UTRN: variants seen among roughly 807,000 people sequenced by gnomAD.
The protein encoded by UTRN is dystrophin-related protein 1.
In UTRN, 283 loss-of-function variants were observed where a neutral mutation model predicts 463.9. That is an observed-to-expected ratio of 0.61 (90% confidence interval 0.55 to 0.67). The LOEUF is 0.67. Ranked by LOEUF, UTRN falls within the 30% of genes least tolerant of loss-of-function variation. The pLI, the probability that UTRN is intolerant of heterozygous loss-of-function variation, is 0.00. For missense variants in UTRN, 3,922 were observed against 4,084.3 expected, an observed-to-expected ratio of 0.96 and a Z score of 1.08; for synonymous variants, 1,442 against 1,431.5, an observed-to-expected ratio of 1.01 and a Z score of -0.17.
intron 53 of UTRN, among the ~76,000 whole-genome samples, chr6:144,721,644 A>G (rs187163651): frequency 3.3e-5 from 5 of 152,270 alleles, no homozygotes; most frequent in East Asian, 3.9e-4. Flanking sequence ...CATATCTACT[A>G]CAGGCTGAGC....
chr6:144,555,511 C>G (rs1326677309), intron 49 of UTRN, among the ~76,000 whole-genome samples: 4 of 152,204 alleles, frequency 2.6e-5, no homozygotes, highest in Admixed American at 2.6e-4. Flanking sequence ...CAGCTCATTG[C>G]AACAGCCACC....
At chr6:144,297,707 G>A (rs1341332438) in intron 2 of UTRN, among the ~76,000 whole-genome samples, 2 of 152,154 alleles carry the variant, frequency 1.3e-5, no homozygotes, top group Non-Finnish European at 2.9e-5. Context: ...GCAGAGAAGG[G>A]CAGCTATTCT....
intron 6 of UTRN, among the ~76,000 whole-genome samples, chr6:144,425,063 A>G (rs1785175835): frequency 6.6e-6 from 1 of 152,212 alleles, no homozygotes; most frequent in Non-Finnish European, 1.5e-5. Flanking sequence ...AGAAAATCTG[A>G]GATCATGCAT....
chr6:144,816,606 T>G (rs1779098692), intron 65 of UTRN, among the ~76,000 whole-genome samples: 1 of 151,876 alleles, frequency 6.6e-6, no homozygotes, highest in South Asian at 2.1e-4. Flanking sequence ...TATTTTATTT[T>G]TATTCCTTCA....
chr6:144,845,422 A>G (rs960178000), intron 73 of UTRN, among the ~76,000 whole-genome samples: 18 of 152,208 alleles, frequency 1.2e-4, no homozygotes, highest in African/African-American at 4.3e-4. Flanking sequence ...TATTTTTACT[A>G]TGAATTGCCT....
rs146989999 is a variant in UTRN, at chr6:144,393,667, G to A, written c.80-9456G>A. Among the ~76,000 whole-genome samples, 408 of 152,180 alleles carry A rather than the reference G, an allele frequency of 2.7e-3. 4 individuals carry two copies. Among genetic ancestry groups the A allele is most frequent in the African/African-American group, 9.1e-3 (380 of 41,532 alleles). On this transcript the variant is annotated intron_variant, in intron 2 of 74. Coordinates refer to ENST00000367545, the MANE Select transcript of UTRN (RefSeq NM_007124.3). ...GTGTTGAAAAAGAATATTCAGTGAC[G>A]CAGGATGGAGGGAGGTTTGAATGTT... is the stretch of plus-strand genomic sequence containing the variant.
chr6:144,730,322 G>A (rs747143033), intron 53 of UTRN, 35 bp from the exon 54 acceptor site: 1 of 1,546,030 alleles, frequency 6.5e-7, no homozygotes, highest in Non-Finnish European at 8.7e-7. Context: ...GAACACGTGA[G>A]GTTACAAACT....
chr6:144,692,655 GT>G (rs145276181), intron 52 of UTRN, among the ~76,000 whole-genome samples: 2,267 of 151,214 alleles, frequency 0.015, 48 homozygotes, highest in African/African-American at 0.051. Flanking sequence ...GATGTTGAAG[GT>G]TTTTTTTTAA....
chr6:144,483,979 C>A (rs1792158104), intron 27 of UTRN, among the ~76,000 whole-genome samples: 1 of 152,178 alleles, frequency 6.6e-6, no homozygotes, highest in South Asian at 2.1e-4. Flanking sequence ...AGTGGACCGG[C>A]AGGTGCCTTC....
intron 65 of UTRN, among the ~76,000 whole-genome samples, chr6:144,816,763 A>T (rs796764994): frequency 6.5e-4 from 79 of 121,298 alleles, no homozygotes; most frequent in African/African-American, 2.2e-3. Context: ...TTTTTTTTAT[A>T]GAGATGGGGT....
chr6:144,598,641 T>TG (rs949947988), intron 51 of UTRN, among the ~76,000 whole-genome samples: 2 of 152,200 alleles, frequency 1.3e-5, no homozygotes, highest in Non-Finnish European at 2.9e-5. Context: ...AAATATATTT[T>TG]GGGGTAAAAT....
intron 54 of UTRN, among the ~76,000 whole-genome samples, chr6:144,739,855 T>A (rs1443209933): frequency 6.6e-6 from 1 of 152,164 alleles, no homozygotes; most frequent in African/African-American, 2.4e-5. Context: ...CAGGGACTGC[T>A]AGGATTGGCA....
rs1781253233 is a variant in UTRN at position 144,838,069 on chromosome 6, T to C, written c.10066-1104T>C. ...CTCTTGCAATCTCTTGTTTAGAATA[T>C]GAAGTGTTAGTGTTAACAACTTAGT... On this transcript the variant is annotated intron_variant, in intron 71 of 74. Coordinates refer to ENST00000367545, the MANE Select transcript of UTRN (RefSeq NM_007124.3). 2.0e-5 allele frequency among the ~76,000 whole-genome samples: 3 copies of C among 152,250 alleles called. No individual in the cohort carries two copies. In the South Asian group the frequency reaches 6.2e-4, roughly 32 times the overall value.
intron 2 of UTRN, among the ~76,000 whole-genome samples, chr6:144,365,171 GA>G (rs1297877212): frequency 6.6e-6 from 1 of 152,200 alleles, no homozygotes. Flanking sequence ...TCTGCAGAAA[GA>G]ATTGAGAGTG....
Position 144,465,999 on chromosome 6 carries a change from A to G in UTRN, c.3066+3133A>G, listed in dbSNP as rs12524023. Among the ~76,000 whole-genome samples, 635 of 152,370 alleles carry G rather than the reference A, an allele frequency of 4.2e-3. 15 individuals carry two copies. Among genetic ancestry groups the G allele is most frequent in the Admixed American group, 0.028 (432 of 15,302 alleles). ...ACAGAAATACTTACAGTGAACATTT[A>G]GAGTTCCTTTTCTTCCCCAATACCA... On this transcript the variant is annotated intron_variant, in intron 23 of 74. Coordinates refer to ENST00000367545, the MANE Select transcript of UTRN (RefSeq NM_007124.3).
intron 51 of UTRN, among the ~76,000 whole-genome samples, chr6:144,676,235 C>T (rs1364488895): frequency 6.6e-6 from 1 of 152,018 alleles, no homozygotes; most frequent in Non-Finnish European, 1.5e-5. Context: ...TTTCTTTATA[C>T]TTAGCCAGAA....
chr6:144,743,003 T>G (rs1435199332), intron 54 of UTRN, among the ~76,000 whole-genome samples: 1 of 152,236 alleles, frequency 6.6e-6, no homozygotes, highest in African/African-American at 2.4e-5. Context: ...ACAATAGTTT[T>G]TTTGTAAGTG....
At chr6:144,450,748 C>T (rs1426234735) in intron 17 of UTRN, among the ~76,000 whole-genome samples, 3 of 152,186 alleles carry the variant, frequency 2.0e-5, no homozygotes, top group Non-Finnish European at 4.4e-5. Flanking sequence ...CTAACCAACT[C>T]TGGTTTTTAT....
intron 41 of UTRN, 79 bp from the exon 42 acceptor site, chr6:144,530,973 A>G: frequency 1.4e-6 from 2 of 1,458,722 alleles, no homozygotes; most frequent in South Asian, 1.4e-5. Context: ...ATGAAATTTG[A>G]TTTTCTTTTT....
Sources: allele counts gnomAD v4.1 joint callset (sites outside exome capture counted in the v4.1 genomes callset), GRCh38; gene constraint gnomAD v4.1.1; transcripts MANE v1.5; gene names NCBI Gene and HGNC (gene_info 2026-07-23, HGNC 2026-07-21).